Variants in GPD2 observed in about 807,000 individuals in gnomAD.
GPD2 encodes the protein glycerol-3-phosphate dehydrogenase, mitochondrial.
In GPD2, 54 loss-of-function variants were observed where a neutral mutation model predicts 82.4. The ratio of observed to expected loss-of-function variants is 0.66; its 90% confidence interval spans 0.53 to 0.82. The LOEUF is 0.82. GPD2 is among the 40% of genes least tolerant of loss of function. The pLI is 0.00. For synonymous variants in GPD2, 288 were observed against 306.1 expected, an observed-to-expected ratio of 0.94 and a Z score of 0.62; for missense variants, 748 against 896.2, an observed-to-expected ratio of 0.83 and a Z score of 2.11.
chr2:156,523,964 T>C (rs1295184839), intron 6 of GPD2, among the ~76,000 whole-genome samples: 1 of 152,200 alleles, frequency 6.6e-6, no homozygotes, highest in Non-Finnish European at 1.5e-5. Context: ...ATCTTACATA[T>C]AAGTTGATTC....
At chr2:156,422,924 G>A in the GPD2 span, among the ~76,000 whole-genome samples, 1 of 152,120 alleles carries the variant, frequency 6.6e-6, no homozygotes, top group Non-Finnish European at 1.5e-5. Flanking sequence ...TGGTCTAAGT[G>A]CTTAGAATGG....
the GPD2 span, among the ~76,000 whole-genome samples, chr2:156,414,279 G>T: frequency 1.5e-4 from 23 of 152,266 alleles, no homozygotes; most frequent in African/African-American, 5.3e-4. Flanking sequence ...TTAAAGCAGA[G>T]TATTGTTGTT....
At chr2:156,524,038 A>C (rs774097702) in intron 6 of GPD2, among the ~76,000 whole-genome samples, 101 of 152,256 alleles carry the variant, frequency 6.6e-4, no homozygotes, top group Middle Eastern at 3.4e-3. Flanking sequence ...TGTTACATGG[A>C]TATATTATTG....
the GPD2 span, among the ~76,000 whole-genome samples, chr2:156,410,483 A>G: frequency 2.0e-5 from 3 of 152,300 alleles, no homozygotes; most frequent in East Asian, 5.8e-4. Flanking sequence ...CACATAATAT[A>G]TTTACTAGTC....
chr2:156,572,927 T>C (rs1687692483), intron 13 of GPD2, among the ~76,000 whole-genome samples: 1 of 152,132 alleles, frequency 6.6e-6, no homozygotes, highest in Admixed American at 6.6e-5. Flanking sequence ...CATCAGTAGA[T>C]TTGGGATCTG....
At chr2:156,512,169 A>T (rs1685020976) in intron 4 of GPD2, 51 bp from the exon 5 acceptor site, 1 of 904,532 alleles carries the variant, frequency 1.1e-6, no homozygotes, top group African/African-American at 1.6e-5. Flanking sequence ...GCCATTTGAA[A>T]ATATTATGAT....
At chr2:156,409,801 A>C in the GPD2 span, among the ~76,000 whole-genome samples, 1 of 152,226 alleles carries the variant, frequency 6.6e-6, no homozygotes, top group Non-Finnish European at 1.5e-5. Flanking sequence ...CAAAGTTAAC[A>C]TCCTGGACCA....
chr2:156,514,620 G>A (rs540469392), intron 6 of GPD2, among the ~76,000 whole-genome samples: 1 of 151,704 alleles, frequency 6.6e-6, no homozygotes, highest in Non-Finnish European at 1.5e-5. Context: ...ATATATAAAT[G>A]CAAAAAGTAT....
At chr2:156,514,422 T>C (rs1685121565) in intron 6 of GPD2, among the ~76,000 whole-genome samples, 1 of 142,408 alleles carries the variant, frequency 7.0e-6, no homozygotes, top group Non-Finnish European at 1.5e-5. Flanking sequence ...CCCACCCCCG[T>C]TGTATTATCT....
the GPD2 span, among the ~76,000 whole-genome samples, chr2:156,404,795 G>C: frequency 8.0e-5 from 12 of 149,224 alleles, no homozygotes; most frequent in Non-Finnish European, 1.8e-4. Context: ...CAGAGATTGC[G>C]ATGAGCCAAG....
At chr2:156,489,432 C>T (rs767094149) in intron 2 of GPD2, among the ~76,000 whole-genome samples, 3 of 152,118 alleles carry the variant, frequency 2.0e-5, no homozygotes, top group Non-Finnish European at 4.4e-5. Flanking sequence ...TTTTTCTCTA[C>T]TTGATTTAGC....
At chr2:156,422,344 A>G in the GPD2 span, among the ~76,000 whole-genome samples, 1 of 152,198 alleles carries the variant, frequency 6.6e-6, no homozygotes, top group Non-Finnish European at 1.5e-5. Flanking sequence ...TATTCAAAGT[A>G]ATGTTATCTA....
Position 156,585,147 on chromosome 2 carries a change from AC to A in GPD2, c.*2230del, listed in dbSNP as rs1688168575. The A allele has an allele frequency of 6.6e-6, 1 of 152,268 alleles. No homozygotes were observed. Among genetic ancestry groups the A allele is most frequent in the Non-Finnish European group, 1.5e-5 (1 of 67,954 alleles). The allele number at this position is 152,268 out of a possible 1,614,324, so 9.4% of individuals were successfully genotyped here. A position where few individuals can be genotyped will look rare whatever the true frequency, so the allele number is the denominator to read the frequency against. On this transcript the variant is annotated 3_prime_UTR_variant, in exon 17 of 17. Transcript: ENST00000438166. ...GGAAATGAACTGATTTCAAGCCGTT[AC>A]TGTGAATAAAGCACCCCAGCATTTT...
In GPD2 at chr2:156,513,332, G is replaced by A. The variant is rs529727394; in HGVS notation, c.498-1G>A. ...AACTTTCCCCCCTATTTATGCTGTA[G>A]GTGGTGGCAGTTACCTTACTACTGG... On this transcript the variant is annotated splice_acceptor_variant, in intron 5 of 16. Transcript: ENST00000438166. LOFTEE classifies it high-confidence loss of function. 7 of 1,605,564 alleles carry A rather than the reference G, an allele frequency of 4.4e-6. No homozygotes were observed. The highest frequency in any genetic ancestry group is 1.7e-5 in the Admixed American group (1 of 59,980).
chr2:156,578,032 A>G (rs1030206896), intron 13 of GPD2, among the ~76,000 whole-genome samples: 1 of 152,188 alleles, frequency 6.6e-6, no homozygotes, highest in Non-Finnish European at 1.5e-5. Flanking sequence ...GTGTGTGTGT[A>G]GCATAATATA....
intron 1 of GPD2, among the ~76,000 whole-genome samples, chr2:156,452,302 G>A (rs1043220541): frequency 3.9e-5 from 6 of 152,252 alleles, no homozygotes; most frequent in East Asian, 3.8e-4. Context: ...CTGCAATCCC[G>A]GCACCTCTGG....
In GPD2 at chr2:156,584,485, A is replaced by G. The variant is rs534027852; in HGVS notation, c.*1567A>G. ...TTCTGAGCCTGTATGTCACAATGTA[A>G]ACACTGGAGGTTCACTCACCTACGC... is the stretch of plus-strand genomic sequence containing the variant. On this transcript the variant is annotated 3_prime_UTR_variant, in exon 17 of 17. Coordinates refer to ENST00000438166, the MANE Select transcript of GPD2 (RefSeq NM_000408.5). The G allele has an allele frequency of 3.9e-5, 6 of 152,386 alleles. No homozygotes were observed. The highest frequency in any genetic ancestry group is 6.6e-5 in the Admixed American group (1 of 15,216). The allele number at this position is 152,386 out of a possible 1,614,324, so 9.4% of individuals were successfully genotyped here. A position where few individuals can be genotyped will look rare whatever the true frequency, so the allele number is the denominator to read the frequency against.
chr2:156,432,340 G>A (rs532078822), upstream of GPD2, among the ~76,000 whole-genome samples: 93 of 152,220 alleles, frequency 6.1e-4, no homozygotes, highest in Admixed American at 1.3e-3. Context: ...CTGAGGTTTG[G>A]ACTTCTATTG....
the GPD2 span, among the ~76,000 whole-genome samples, chr2:156,420,101 A>G: frequency 2.0e-5 from 3 of 152,216 alleles, no homozygotes; most frequent in Non-Finnish European, 4.4e-5. Flanking sequence ...CTCAGATTTT[A>G]TTGCAAGGTG....
Sources: allele counts gnomAD v4.1 joint callset (sites outside exome capture counted in the v4.1 genomes callset), GRCh38; gene constraint gnomAD v4.1.1; transcripts MANE v1.5; gene names NCBI Gene and HGNC (gene_info 2026-07-23, HGNC 2026-07-21).